Variants in ARHGEF3 observed in about 807,000 individuals in gnomAD.
The protein encoded by ARHGEF3 is 59.8 kDA protein.
In ARHGEF3, 28 loss-of-function variants were observed where a neutral mutation model predicts 63.2. That is an observed-to-expected ratio of 0.44 (90% CI 0.33 to 0.61). The LOEUF (loss-of-function observed/expected upper bound fraction) is 0.61, where lower values mean the gene tolerates loss of function less well. Among genes scored for constraint, ARHGEF3 ranks in the 20% least tolerant of loss-of-function variants. ARHGEF3 has a pLI of 0.03. For synonymous variants in ARHGEF3, 266 were observed against 254.2 expected (o/e 1.05, Z -0.44); for missense variants, 533 against 659.3 (o/e 0.81, Z 2.10).
At chr3:56,834,523 G>C (rs1329296096) in intron 4 of ARHGEF3, among the ~76,000 whole-genome samples, 1 of 152,260 alleles carries the variant, frequency 6.6e-6, no homozygotes, top group South Asian at 2.1e-4. Flanking sequence ...CCAGCACTTT[G>C]GGAGGCCGAG....
At chr3:56,830,763 C>CA (rs1490247804) in intron 4 of ARHGEF3, among the ~76,000 whole-genome samples, 4 of 152,146 alleles carry the variant, frequency 2.6e-5, no homozygotes, top group African/African-American at 9.7e-5. Flanking sequence ...ACCTTGTTGC[C>CA]AGGCCAGGAC....
intron 3 of ARHGEF3, among the ~76,000 whole-genome samples, chr3:56,918,573 CA>C (rs11353091): frequency 0.92 from 139,658 of 152,252 alleles, 64,659 homozygotes; most frequent in Non-Finnish European, 0.99. Flanking sequence ...GAAAGGGATG[CA>C]AGCCTGCAAA....
intron 3 of ARHGEF3, among the ~76,000 whole-genome samples, chr3:56,948,186 A>G (rs1341007807): frequency 6.6e-6 from 1 of 152,220 alleles, no homozygotes; most frequent in Admixed American, 6.5e-5. Flanking sequence ...GGAAAGATCT[A>G]AAATTGACAC....
chr3:56,958,776 C>T (rs2106744838), intron 3 of ARHGEF3: 2 of 1,515,370 alleles, frequency 1.3e-6, no homozygotes, highest in Non-Finnish European at 1.8e-6. Flanking sequence ...GAGCATGTAT[C>T]CATAATAGGA....
At chr3:56,959,478 C>G (rs1700186470) in intron 2 of ARHGEF3, among the ~76,000 whole-genome samples, 2 of 152,310 alleles carry the variant, frequency 1.3e-5, no homozygotes, top group Admixed American at 1.3e-4. Context: ...CCAGGCACAC[C>G]AGAAGCACCT....
In ARHGEF3 at chr3:56,937,256, G is replaced by A. The variant is rs9847249; in HGVS notation, c.129+21567C>T. ...ATATAGATGGAATATTAGAATGTTG[G>A]AGAATTATTGATAACTTAGGTTTGA... On this transcript the variant is annotated intron_variant, in intron 3 of 12. Transcript: ENST00000338458. 4.9e-3 allele frequency among the ~76,000 whole-genome samples: 751 copies of A among 152,274 alleles called. 8 individuals are homozygous for A. Among genetic ancestry groups the A allele is most frequent in the African/African-American group, 0.017 (700 of 41,536 alleles).
chr3:56,942,590 T>C (rs1045117795), intron 3 of ARHGEF3, among the ~76,000 whole-genome samples: 20 of 152,230 alleles, frequency 1.3e-4, no homozygotes, highest in Admixed American at 1.0e-3. Flanking sequence ...CCTAGAATGG[T>C]CTCTAAGTGT....
At chr3:56,977,128 C>T (rs1044429752) in intron 2 of ARHGEF3, 17 of 403,738 alleles carry the variant, frequency 4.2e-5, no homozygotes, top group African/African-American at 3.5e-4. Context: ...CTCACAGCTA[C>T]TAAAGGGTAA....
In ARHGEF3 at chr3:56,828,937, A is replaced by T. The variant is rs950983627; in HGVS notation, c.192+53355T>A. On this transcript the variant is annotated intron_variant, in intron 4 of 12. Transcript: ENST00000338458. ...TAATGTATTCATTTTTATTATTATT[A>T]TTTTTTTGAGACGGAGTCTCACTCT... is the stretch of plus-strand genomic sequence containing the variant. Among the ~76,000 whole-genome samples, 39 of 151,722 alleles carry T rather than the reference A, an allele frequency of 2.6e-4. 1 individual carries two copies. Among genetic ancestry groups the T allele is most frequent in the Non-Finnish European group, 8.8e-5 (6 of 67,906 alleles).
chr3:56,837,486 C>T (rs1280064748), intron 4 of ARHGEF3, among the ~76,000 whole-genome samples: 1 of 152,096 alleles, frequency 6.6e-6, no homozygotes, highest in Admixed American at 6.5e-5. Context: ...GTCCATCAGG[C>T]AGAAAACATG....
At chr3:56,767,847 A>C (rs1032187383) in intron 2 of ARHGEF3, among the ~76,000 whole-genome samples, 15 of 151,680 alleles carry the variant, frequency 9.9e-5, no homozygotes, top group Non-Finnish European at 2.9e-5. Context: ...CCTGGGTTCA[A>C]GTGATCCTCC....
chr3:56,823,355 C>T (rs2038590209), intron 4 of ARHGEF3, among the ~76,000 whole-genome samples: 1 of 152,172 alleles, frequency 6.6e-6, no homozygotes, highest in Admixed American at 6.5e-5. Flanking sequence ...GAAAAAGTCA[C>T]CAGAAAGCAG....
rs546951507 is a variant in ARHGEF3, at chr3:56,907,080, C to T, written c.130-24726G>A. Among the ~76,000 whole-genome samples the T allele has an allele frequency of 1.3e-3, 176 of 139,760 alleles. 1 individual carries two copies. Among genetic ancestry groups the T allele is most frequent in the African/African-American group, 4.3e-3 (162 of 37,640 alleles). The allele number at this position is 139,760 out of a possible 152,430, so 91.7% of individuals were successfully genotyped here. A position where few individuals can be genotyped will look rare whatever the true frequency, so the allele number is the denominator to read the frequency against. On this transcript the variant is annotated intron_variant, in intron 3 of 12. Coordinates refer to the ARHGEF3 transcript ENST00000338458. ...CACTGCAACCTCTGCCTCCTGGGTT[C>T]AAGTGATTCTCCTGCCTCAGCCTCC...
At chr3:56,953,597 G>C (rs1699911590) in intron 3 of ARHGEF3, among the ~76,000 whole-genome samples, 1 of 152,194 alleles carries the variant, frequency 6.6e-6, no homozygotes, top group Non-Finnish European at 1.5e-5. Context: ...CCTGACTATG[G>C]AGGGAGGCAT....
intron 1 of ARHGEF3, chr3:57,073,971 G>C (rs1208873285): frequency 6.8e-6 from 11 of 1,614,204 alleles, no homozygotes; most frequent in Admixed American, 5.0e-5. Context: ...CATCTCTCTT[G>C]ACATCGCTGT....
At chr3:56,926,147 A>C (rs138294315) in intron 3 of ARHGEF3, among the ~76,000 whole-genome samples, 15 of 152,226 alleles carry the variant, frequency 9.9e-5, no homozygotes, top group Admixed American at 9.8e-4. Context: ...GGTCTCCCCA[A>C]TGACAGTGCC....
intron 4 of ARHGEF3, among the ~76,000 whole-genome samples, chr3:56,867,210 G>A (rs1362118274): frequency 1.3e-5 from 2 of 152,134 alleles, no homozygotes; most frequent in East Asian, 1.9e-4. Context: ...AAGACAGCAT[G>A]TAACATATGA....
intron 1 of ARHGEF3, among the ~76,000 whole-genome samples, chr3:57,042,700 A>ATTTTTTTTTT (rs869145503): frequency 7.6e-5 from 5 of 66,122 alleles, no homozygotes; most frequent in Admixed American, 2.5e-4. Flanking sequence ...ATATATATAT[A>ATTTTTTTTTT]TTTTTTTTTT....
At chr3:56,920,645 T>C (rs553607324) in intron 3 of ARHGEF3, among the ~76,000 whole-genome samples, 1 of 152,204 alleles carries the variant, frequency 6.6e-6, no homozygotes, top group Non-Finnish European at 1.5e-5. Flanking sequence ...AAGCCAGAAA[T>C]GTCACAAAAT....
Sources: gnomAD v4.1 joint callset for allele counts (sites outside exome capture counted in the v4.1 genomes callset) on GRCh38, gnomAD v4.1.1 for gene constraint, MANE v1.5 for transcripts, NCBI Gene and HGNC (gene_info 2026-07-23, HGNC 2026-07-21) for gene names.